Variants in AFF3 observed in about 807,000 individuals in gnomAD.
The protein encoded by AFF3 is ALF transcription elongation factor 3.
In AFF3, 32 loss-of-function variants were observed where a neutral mutation model predicts 129.7. The ratio of observed to expected loss-of-function variants is 0.25; its 90% CI spans 0.19 to 0.33. The LOEUF (loss-of-function observed/expected upper bound fraction) is 0.33. AFF3 is among the 10% of genes least tolerant of loss of function. The pLI is 1.00. For missense variants in AFF3, 1,373 were observed against 1,592.0 expected (o/e 0.86, Z 2.34); for synonymous variants, 644 against 635.4 (o/e 1.01, Z -0.20).
At chr2:99,856,654 G>T (rs777904814) in intron 7 of AFF3, among the ~76,000 whole-genome samples, 1 of 152,034 alleles carries the variant, frequency 6.6e-6, no homozygotes, top group Non-Finnish European at 1.5e-5. Context: ...GATAAATTAC[G>T]TTTTAAGTTT....
chr2:99,665,687 G>A (rs1686612570), intron 12 of AFF3, among the ~76,000 whole-genome samples: 1 of 152,214 alleles, frequency 6.6e-6, no homozygotes, highest in African/African-American at 2.4e-5. Context: ...AAAATTGAAG[G>A]TCATAGGAAT....
Position 99,624,912 on chromosome 2 carries a change from C to T in AFF3, c.1185-23291G>A, listed in dbSNP as rs370158753. On this transcript the variant is annotated intron_variant, in intron 13 of 24. Coordinates refer to ENST00000672756, the MANE Select transcript of AFF3 (RefSeq NM_001386135.1). ...CCAGATGCCTCCGACCTGCATACGG[C>T]TCCACCCTACCGATTTCCAAACAGG... is the stretch of plus-strand genomic sequence containing the variant. 1.1e-4 allele frequency among the ~76,000 whole-genome samples: 16 copies of T among 152,332 alleles called. No individual in the cohort carries two copies. In the East Asian group the frequency reaches 1.2e-3, roughly 11 times the overall value.
At chr2:99,759,501 G>A (rs1682404398) in intron 8 of AFF3, among the ~76,000 whole-genome samples, 1 of 152,140 alleles carries the variant, frequency 6.6e-6, no homozygotes, top group African/African-American at 2.4e-5. Flanking sequence ...ATATAAACTT[G>A]TTGAATTGAA....
chr2:99,988,063 C>T (rs901625385), intron 7 of AFF3, among the ~76,000 whole-genome samples: 3 of 151,696 alleles, frequency 2.0e-5, no homozygotes, highest in African/African-American at 7.3e-5. Context: ...CTATGTGAGC[C>T]GACTGAAAAT....
chr2:100,115,998 TC>T (rs1691720734), intron 2 of AFF3, among the ~76,000 whole-genome samples: 1 of 152,166 alleles, frequency 6.6e-6, no homozygotes, highest in Non-Finnish European at 1.5e-5. Context: ...TTCAAGTTAT[TC>T]TTTACATATT....
At chr2:99,568,606 C>T (rs1233338114) in intron 19 of AFF3, among the ~76,000 whole-genome samples, 1 of 152,154 alleles carries the variant, frequency 6.6e-6, no homozygotes, top group Non-Finnish European at 1.5e-5. Flanking sequence ...GCTCTAGTTA[C>T]TATTCAAACC....
intron 7 of AFF3, among the ~76,000 whole-genome samples, chr2:99,958,069 T>C (rs1331820681): frequency 1.3e-5 from 2 of 152,170 alleles, no homozygotes; most frequent in Non-Finnish European, 2.9e-5. Context: ...TTTTAAGTTT[T>C]AGACACACCT....
chr2:99,686,341 G>T (rs1291763145), intron 11 of AFF3, among the ~76,000 whole-genome samples: 3 of 152,180 alleles, frequency 2.0e-5, no homozygotes, highest in Non-Finnish European at 4.4e-5. Context: ...GAAGGAAGTT[G>T]AGTTTACCTT....
intron 12 of AFF3, among the ~76,000 whole-genome samples, chr2:99,668,282 C>T (rs1423566541): frequency 6.6e-6 from 1 of 151,864 alleles, no homozygotes; most frequent in Non-Finnish European, 1.5e-5. Flanking sequence ...AGCAATACTC[C>T]CGTCTCAGCC....
At chr2:99,970,141 G>T (rs148956771) in intron 7 of AFF3, among the ~76,000 whole-genome samples, 1 of 152,304 alleles carries the variant, frequency 6.6e-6, no homozygotes, top group East Asian at 1.9e-4. Context: ...GACGCAAAAA[G>T]ATGTGCTCTC....
chr2:99,888,249 G>T (rs1164979727), intron 7 of AFF3, among the ~76,000 whole-genome samples: 3 of 152,142 alleles, frequency 2.0e-5, no homozygotes, highest in Non-Finnish European at 2.9e-5. Flanking sequence ...AGATGATGAA[G>T]GTACTGGAAT....
intron 19 of AFF3, among the ~76,000 whole-genome samples, chr2:99,567,151 T>G (rs1260069608): frequency 1.5e-5 from 2 of 137,014 alleles, no homozygotes; most frequent in Non-Finnish European, 3.1e-5. Context: ...TTTTTTTTTT[T>G]GTATTTTTAG....
At chr2:99,884,897 G>C (rs1483081346) in intron 7 of AFF3, among the ~76,000 whole-genome samples, 1 of 152,070 alleles carries the variant, frequency 6.6e-6, no homozygotes, top group Non-Finnish European at 1.5e-5. Flanking sequence ...CTCTACCTGG[G>C]GGATTCACTG....
Position 99,560,385 on chromosome 2 carries a change from G to C in AFF3, c.3171C>G (p.Asp1057Glu). Reference protein sequence around the residue: ...THSGPNATPEDKQLAALCYRC... With the variant: ...THSGPNATPEEKQLAALCYRC... Reference sequence around the variant, plus strand: ...CTCACCATAATGCAGCCAGTTGTTTGTCTTCTGGTGTGGCATTGGGGCCTG... The same window carrying C: ...CTCACCATAATGCAGCCAGTTGTTTCTCTTCTGGTGTGGCATTGGGGCCTG... Residue 1057 changes from aspartate (D) to glutamate (E), a missense_variant, in exon 21 of 25, where the codon GAC becomes GAG. Transcript: ENST00000672756. The C allele has an allele frequency of 6.2e-7, 1 of 1,614,176 alleles. No homozygotes were observed. Among genetic ancestry groups the C allele is most frequent in the Non-Finnish European group, 8.5e-7 (1 of 1,180,004 alleles).
At chr2:99,691,502 TA>T (rs1675651829) in intron 11 of AFF3, among the ~76,000 whole-genome samples, 1 of 152,222 alleles carries the variant, frequency 6.6e-6, no homozygotes, top group Non-Finnish European at 1.5e-5. Context: ...GGACTCGCAC[TA>T]TTAATGAGCT....
intron 7 of AFF3, among the ~76,000 whole-genome samples, chr2:99,953,937 T>A (rs530303581): frequency 1.6e-4 from 24 of 152,316 alleles, no homozygotes; most frequent in African/African-American, 5.8e-4. Context: ...CTCTCACCCA[T>A]GCACCTGAGT....
In AFF3 at chr2:99,575,170, C is replaced by T. The variant is rs187028333; in HGVS notation, c.2918+3157G>A. On this transcript the variant is annotated intron_variant, in intron 18 of 24. Transcript: ENST00000672756. The stretch of plus-strand genomic sequence containing the variant: ...TATGTACCAAAAGGAACCTGGGAGA[C>T]GTTTTGCACAATTTTAGGTGACATT... Among the ~76,000 whole-genome samples the T allele has an allele frequency of 1.4e-4, 21 of 152,236 alleles. No homozygotes were observed. In the South Asian group the frequency reaches 3.1e-3, roughly 23 times the overall value.
chr2:100,027,124 G>A (rs995143486), intron 4 of AFF3, among the ~76,000 whole-genome samples: 1 of 152,080 alleles, frequency 6.6e-6, no homozygotes, highest in Non-Finnish European at 1.5e-5. Flanking sequence ...CTAGACCAAT[G>A]TTTCCACAAA....
chr2:99,633,434 G>C (rs576061317), intron 13 of AFF3, among the ~76,000 whole-genome samples: 27 of 152,282 alleles, frequency 1.8e-4, no homozygotes, highest in Non-Finnish European at 3.2e-4. Flanking sequence ...AAGGTGGCCA[G>C]GTAAGCTGGA....
Sources: gnomAD v4.1 joint callset for allele counts (sites outside exome capture counted in the v4.1 genomes callset) on GRCh38, gnomAD v4.1.1 for gene constraint, MANE v1.5 for transcripts, NCBI Gene and HGNC (gene_info 2026-07-23, HGNC 2026-07-21) for gene names.